The following ATP10A variants were observed in gnomAD, a reference collection of about 807,000 sequenced individuals.
ATP10A encodes the protein ATPase phospholipid transporting 10A (putative).
ATP10A carries 111 observed loss-of-function variants against 147.8 expected under a neutral mutation model. The observed-to-expected ratio is 0.75, with a 90% CI of 0.64 to 0.88. The LOEUF (loss-of-function observed/expected upper bound fraction) is 0.88. Ranked by LOEUF, ATP10A falls within the 40% of genes least tolerant of loss-of-function variation. ATP10A has a pLI of 0.00. For synonymous variants in ATP10A, 875 were observed against 841.6 expected, an observed-to-expected ratio of 1.04 and a Z score of -0.69; for missense variants, 1,927 against 1,959.0, an observed-to-expected ratio of 0.98 and a Z score of 0.31.
At chr15:25,702,849 C>T (rs1324215186) in intron 12 of ATP10A, among the ~76,000 whole-genome samples, 1 of 151,236 alleles carries the variant, frequency 6.6e-6, no homozygotes, top group African/African-American at 2.4e-5. Flanking sequence ...TCCCTAGGTT[C>T]GAGCCCTGAC....
chr15:25,808,316 C>G (rs1264029777), intron 1 of ATP10A, among the ~76,000 whole-genome samples: 1 of 152,218 alleles, frequency 6.6e-6, no homozygotes, highest in Non-Finnish European at 1.5e-5. Context: ...AGGATTACCT[C>G]AACACAAGTC....
rs982631845 is a variant in ATP10A at position 25,736,229 on chromosome 15, G to A, written c.655-88C>T. ...ACTCGCTTTTCTGTCTCGCATCCGC[G>A]GCAGGCACATTTCACGGGGGAAGAA... On this transcript the variant is annotated intron_variant, in intron 2 of 20. Coordinates refer to ENST00000555815, the MANE Select transcript of ATP10A (RefSeq NM_024490.4). 8.1e-5 allele frequency: 84 copies of A among 1,033,412 alleles called. No individual in the cohort carries two copies. The Middle Eastern group carries it at 1.5e-3, about 18-fold the overall frequency. 64.0% of individuals were successfully genotyped at this position (1,033,412 alleles called of 1,614,324 possible). A position where few individuals can be genotyped will look rare whatever the true frequency, so the allele number is the denominator to read the frequency against.
In ATP10A at chr15:25,810,779, C is replaced by T. The variant is rs1313241044; in HGVS notation, c.450-29556G>A. ...AAATAGCACGCCAGGGATTCCAACA[C>T]GAGGAATCGAGGTGGTTAGTGACTC... On this transcript the variant is annotated intron_variant, in intron 1 of 20. Coordinates refer to ENST00000555815, the MANE Select transcript of ATP10A (RefSeq NM_024490.4). Among the ~76,000 whole-genome samples the T allele has an allele frequency of 5.3e-5, 8 of 152,066 alleles. No individual in the cohort carries two copies. The East Asian group carries it at 7.7e-4, about 15-fold the overall frequency.
At chr15:25,828,437 C>T (rs11638843) in intron 1 of ATP10A, among the ~76,000 whole-genome samples, 93,458 of 152,096 alleles carry the variant, frequency 0.61, 31,669 homozygotes, top group East Asian at 0.79. Flanking sequence ...CGATACCATA[C>T]TAAGTAGGCT....
chr15:25,836,694 AG>A (rs1892612121), intron 1 of ATP10A, among the ~76,000 whole-genome samples: 1 of 152,212 alleles, frequency 6.6e-6, no homozygotes, highest in Non-Finnish European at 1.5e-5. Flanking sequence ...ACCATGTGCC[AG>A]GAGCCATCCT....
chr15:25,853,122 CCA>C (rs1231882856), intron 1 of ATP10A, among the ~76,000 whole-genome samples: 9 of 152,158 alleles, frequency 5.9e-5, no homozygotes, highest in African/African-American at 1.9e-4. Context: ...GGAAAAATAA[CCA>C]CAAGGTATGT....
chr15:25,862,989 GC>G lies in ATP10A; in HGVS notation c.107del (p.Gly36AlafsTer68). ...TVRSNLLPPP[G>X]AEDPAAGAAK... The stretch of plus-strand genomic sequence containing the variant: ...CCGCGCCAGCCGCAGGGTCCTCGGC[GC>G]CCGGGGGCGGCAGCAGGTTGGAGCG... On this transcript the variant is annotated frameshift_variant, in exon 1 of 21. Transcript: ENST00000555815. LOFTEE classifies it high-confidence loss of function. The G allele has an allele frequency of 1.4e-6, 2 of 1,420,768 alleles. No homozygotes were observed. The highest frequency in any genetic ancestry group is 3.2e-5 in the Admixed American group (1 of 30,814). 88.0% of individuals were successfully genotyped at this position (1,420,768 alleles called of 1,614,324 possible).
chr15:25,727,103 A>G (rs1379407325), intron 4 of ATP10A, 57 bp downstream of exon 4: 5 of 1,216,096 alleles, frequency 4.1e-6, no homozygotes, highest in South Asian at 3.8e-5. Flanking sequence ...AGTGAGGGGA[A>G]GTGCTGGAGA....
intron 17 of ATP10A, among the ~76,000 whole-genome samples, chr15:25,682,295 G>A (rs924202691): frequency 5.3e-5 from 8 of 151,918 alleles, no homozygotes; most frequent in Non-Finnish European, 1.0e-4. Context: ...AATGTTAAAA[G>A]CAAACAGCTA....
chr15:25,837,829 G>C (rs561440187), intron 1 of ATP10A, among the ~76,000 whole-genome samples: 1 of 152,202 alleles, frequency 6.6e-6, no homozygotes, highest in Non-Finnish European at 1.5e-5. Flanking sequence ...TCAGGAGCAC[G>C]TGGCAGGCTC....
At chr15:25,851,070 C>T (rs1466005575) in intron 1 of ATP10A, among the ~76,000 whole-genome samples, 3 of 143,974 alleles carry the variant, frequency 2.1e-5, no homozygotes, top group South Asian at 2.2e-4. Flanking sequence ...CTCCGCCGAA[C>T]TTGGGGAGGG....
intron 2 of ATP10A, among the ~76,000 whole-genome samples, chr15:25,743,539 T>A (rs530316141): frequency 1.4e-4 from 21 of 152,172 alleles, no homozygotes; most frequent in African/African-American, 5.1e-4. Context: ...CTGAGGAGGG[T>A]CTACAGCTTC....
intron 13 of ATP10A, among the ~76,000 whole-genome samples, chr15:25,700,172 C>T (rs141272754): frequency 0.011 from 1,624 of 152,132 alleles, 17 homozygotes; most frequent in African/African-American, 0.025. Flanking sequence ...CAAATTAAAA[C>T]CATAACAAGA....
chr15:25,824,947 G>A (rs1488222838), intron 1 of ATP10A, among the ~76,000 whole-genome samples: 1 of 152,154 alleles, frequency 6.6e-6, no homozygotes, highest in African/African-American at 2.4e-5. Context: ...GTTCGCTTAA[G>A]CCCAGGAGTC....
intron 15 of ATP10A, among the ~76,000 whole-genome samples, chr15:25,689,147 A>C (rs1031570652): frequency 1.3e-5 from 2 of 152,232 alleles, no homozygotes; most frequent in Non-Finnish European, 2.9e-5. Flanking sequence ...CTGGCTTGCC[A>C]GCCTTCTGCA....
chr15:25,742,793 G>A (rs572332051), intron 2 of ATP10A, among the ~76,000 whole-genome samples: 3 of 152,290 alleles, frequency 2.0e-5, no homozygotes, highest in African/African-American at 7.2e-5. Context: ...AGGGCTGCTC[G>A]TTAAAATTGC....
At position 25,719,651 on chromosome 15, in the gene ATP10A, C is replaced by T. The variant is rs906154785; in HGVS notation, c.1364-1252G>A. Among the ~76,000 whole-genome samples, 133 of 152,150 alleles carry T rather than the reference C, an allele frequency of 8.7e-4. 2 individuals carry two copies. Among genetic ancestry groups the T allele is most frequent in the Non-Finnish European group, 5.4e-4 (37 of 67,998 alleles). On this transcript the variant is annotated intron_variant, in intron 7 of 20. Transcript: ENST00000555815. ...TCCTTCCCTCAGAGGCTGTGGGGGC[C>T]ACGGCTGGTATGTTGGTGTTCTGAA...
intron 1 of ATP10A, among the ~76,000 whole-genome samples, chr15:25,788,098 G>T (rs1250445552): frequency 6.6e-6 from 1 of 152,152 alleles, no homozygotes; most frequent in Admixed American, 6.5e-5. Context: ...CACTTGAGGG[G>T]CCCCAGCCTG....
Position 25,716,825 on chromosome 15 carries a change from G to A in ATP10A, c.1681C>T (p.Leu561Phe). Residue 561 changes from leucine (L) to phenylalanine (F), a missense_variant, in exon 9 of 21, where the codon CTC becomes TTC. By Grantham distance (22) the Leu-to-Phe change is conservative. Transcript: ENST00000555815. Reference sequence around the variant, plus strand: ...AAGACGTCAGACAGCTCAGGCGAGAGGTGGGCCAGCAGGTGCTCCTGATGC... The same window carrying A: ...AAGACGTCAGACAGCTCAGGCGAGAAGTGGGCCAGCAGGTGCTCCTGATGC... ...ARHQEHLLAHLSPELSDVFDF... is the reference protein window; with the variant it reads ...ARHQEHLLAHFSPELSDVFDF... 2 of 1,611,196 alleles carry A rather than the reference G, an allele frequency of 1.2e-6. No homozygotes were observed. Among genetic ancestry groups the A allele is most frequent in the African/African-American group, 2.7e-5 (2 of 74,872 alleles).
Sources: gnomAD v4.1 joint callset for allele counts (sites outside exome capture counted in the v4.1 genomes callset) on GRCh38, gnomAD v4.1.1 for gene constraint, MANE v1.5 for transcripts, NCBI Gene and HGNC (gene_info 2026-07-23, HGNC 2026-07-21) for gene names.